NME6: variants seen among roughly 807,000 people sequenced by gnomAD.
NME6 encodes NME/NM23 nucleoside diphosphate kinase 6.
In NME6, 16 loss-of-function variants were observed where a neutral mutation model predicts 22.2. The ratio of observed to expected loss-of-function variants is 0.72; its 90% CI spans 0.49 to 1.09. The LOEUF (loss-of-function observed/expected upper bound fraction) is 1.09, where lower values mean the gene tolerates loss of function less well. Among genes scored for constraint, NME6 ranks in the 50% least tolerant of loss-of-function variants. The probability of loss-of-function intolerance (pLI) is 0.00; values close to 1 mark genes in which losing one functional copy is unlikely to be tolerated. For missense variants in NME6, 229 were observed against 239.0 expected (o/e 0.96, Z 0.28); for synonymous variants, 58 against 85.2 (o/e 0.68, Z 1.76).
chr3:48,292,153 A>G (rs1269237322), downstream of NME6: 1 of 152,264 alleles, frequency 6.6e-6, no homozygotes. Flanking sequence ...TTAGGGGGAT[A>G]TAATTCAGTC....
In NME6 at chr3:48,300,333, T is replaced by C. The variant is rs147095036; in HGVS notation, c.-8+1020A>G. 1.4e-3 allele frequency: 619 copies of C among 456,772 alleles called. 5 individuals carry two copies. Among genetic ancestry groups the C allele is most frequent in the African/African-American group, 3.0e-3 (150 of 50,212 alleles). The allele number at this position is 456,772 out of a possible 1,614,324, so 28.3% of individuals were successfully genotyped here. Reference sequence around the variant, plus strand: ...TTAAGTTTCTCTAGCTCCAACCTCATGGGCCTTTCAGTTTTGAAAGAATTT... The same window carrying C: ...TTAAGTTTCTCTAGCTCCAACCTCACGGGCCTTTCAGTTTTGAAAGAATTT... On this transcript the variant is annotated intron_variant, in intron 1 of 5. Coordinates refer to ENST00000442597, the MANE Select transcript of NME6 (RefSeq NM_001308426.2).
Position 48,296,133 on chromosome 3 carries a change from C to A in NME6, c.219G>T (p.Val73=), listed in dbSNP as rs2035070640. Residue 73 remains valine (V), a synonymous_variant, in exon 4 of 6, where the codon GTG becomes GTT. Coordinates refer to ENST00000442597, the MANE Select transcript of NME6 (RefSeq NM_001308426.2). ...HEGRFFYQRL[V]EFMASGPIRA... The stretch of plus-strand genomic sequence containing the variant: ...ATTTGAAGTACCTGGCCATGAACTC[C>A]ACCAGCCTCTGATAGAAAAAACGCC... The A allele has an allele frequency of 6.2e-7, 1 of 1,613,056 alleles. No individual in the cohort carries two copies. Among genetic ancestry groups the A allele is most frequent in the Non-Finnish European group, 8.5e-7 (1 of 1,179,132 alleles).
downstream of NME6, among the ~76,000 whole-genome samples, chr3:48,289,967 A>C (rs1319042766): frequency 1.3e-5 from 2 of 152,248 alleles, no homozygotes; most frequent in African/African-American, 4.8e-5. Context: ...GCAAAGGAGT[A>C]TCATGAAGTA....
chr3:48,298,418 C>T lies in NME6; in HGVS notation c.90+9G>A. On this transcript the variant is annotated intron_variant, in intron 2 of 5. Transcript: ENST00000442597. ...GGGCATGCGGTAGAGACTTAGGATT[C>T]ATTCTTACCTCCAGAATCAGTGGAT... 1 of 1,612,222 alleles carries T rather than the reference C, an allele frequency of 6.2e-7. No individual in the cohort carries two copies. The highest frequency in any genetic ancestry group is 8.5e-7 in the Non-Finnish European group (1 of 1,178,272).
rs2034831283 is a variant in NME6 at position 48,294,381 on chromosome 3, T to G, written c.*256A>C. ...GCCACCGTGCCCGGCCTGGCAAGCTTCTTCTTGAAGAAGGATGAACAGTTC... is the reference window on the plus strand; with the variant it reads ...GCCACCGTGCCCGGCCTGGCAAGCTGCTTCTTGAAGAAGGATGAACAGTTC... On this transcript the variant is annotated 3_prime_UTR_variant, in exon 6 of 6. Coordinates refer to ENST00000442597, the MANE Select transcript of NME6 (RefSeq NM_001308426.2). 8.0e-6 allele frequency: 3 copies of G among 374,384 alleles called. No homozygotes were observed. The highest frequency in any genetic ancestry group is 7.3e-5 in the Admixed American group (2 of 27,276). The allele number at this position is 374,384 out of a possible 1,614,324, so 23.2% of individuals were successfully genotyped here.
intron 2 of NME6, 75 bp from the exon 3 acceptor site, chr3:48,296,904 T>C: frequency 8.7e-7 from 1 of 1,145,084 alleles, no homozygotes; most frequent in South Asian, 1.3e-5. Context: ...TGAGGACCAC[T>C]TGTTGCTCAG....
chr3:48,292,278 A>C (rs905188492), downstream of NME6: 9 of 152,182 alleles, frequency 5.9e-5, no homozygotes, highest in African/African-American at 1.7e-4. Flanking sequence ...ATTTACATCT[A>C]TCTCTATAGA....
chr3:48,295,903 G>T (rs1004366266), intron 4 of NME6: 3 of 578,144 alleles, frequency 5.2e-6, no homozygotes, highest in Admixed American at 3.1e-5. Flanking sequence ...TTTTAGTAGA[G>T]ACGGTGTTTC....
chr3:48,300,387 T>TTTC (rs1295523023), intron 1 of NME6: 1 of 455,992 alleles, frequency 2.2e-6, no homozygotes, highest in East Asian at 6.9e-5. Context: ...TGTGAGTAGT[T>TTTC]TTCGCAGTCC....
At chr3:48,288,947 G>C (rs1034352194), downstream of NME6, among the ~76,000 whole-genome samples, 4 of 152,222 alleles carry the variant, frequency 2.6e-5, no homozygotes, top group Admixed American at 6.5e-5. Context: ...CCAGCACTAG[G>C]AGTGGGTGAG....
rs1451448366 is a variant in NME6, at chr3:48,296,712, G to A, written c.193+15C>T. ...GGATTGAGGCACCTTCCATTCAGAG[G>A]ACTACTGATCCTACCTTCATGCTCT... is the stretch of plus-strand genomic sequence containing the variant. On this transcript the variant is annotated intron_variant, in intron 3 of 5. Coordinates refer to ENST00000442597, the MANE Select transcript of NME6 (RefSeq NM_001308426.2). The A allele has an allele frequency of 2.5e-6, 4 of 1,578,452 alleles. No homozygotes were observed. Among genetic ancestry groups the A allele is most frequent in the Admixed American group, 1.7e-5 (1 of 58,256 alleles).
Position 48,296,687 on chromosome 3 carries a change from G to A in NME6, c.193+40C>T, listed in dbSNP as rs776338708. The A allele has an allele frequency of 6.6e-5, 93 of 1,418,160 alleles. 1 individual carries two copies. Among genetic ancestry groups the A allele is most frequent in the Admixed American group, 3.2e-4 (18 of 55,858 alleles). The allele number at this position is 1,418,160 out of a possible 1,614,324, so 87.8% of individuals were successfully genotyped here. A position where few individuals can be genotyped will look rare whatever the true frequency, so the allele number is the denominator to read the frequency against. On this transcript the variant is annotated intron_variant, in intron 3 of 5. Transcript: ENST00000442597. ...GTAAAATCTCTCTTATGGCCTCTTG[G>A]GATTGAGGCACCTTCCATTCAGAGG... is the stretch of plus-strand genomic sequence containing the variant.
chr3:48,298,426 C>A lies in NME6; in HGVS notation c.90+1G>T. On this transcript the variant is annotated splice_donor_variant, in intron 2 of 5. Transcript: ENST00000442597. LOFTEE classifies it high-confidence loss of function. The stretch of plus-strand genomic sequence containing the variant: ...GGTAGAGACTTAGGATTCATTCTTA[C>A]CTCCAGAATCAGTGGATGGGCGACT... 1.2e-6 allele frequency: 2 copies of A among 1,613,566 alleles called. No individual in the cohort carries two copies. Among genetic ancestry groups the A allele is most frequent in the South Asian group, 1.1e-5 (1 of 91,070 alleles).
Position 48,294,599 on chromosome 3 carries a change from G to A in NME6, c.*38C>T. On this transcript the variant is annotated 3_prime_UTR_variant, in exon 6 of 6. Coordinates refer to ENST00000442597, the MANE Select transcript of NME6 (RefSeq NM_001308426.2). ...AATGTTTTAGACTAGATGTCTAGGAGAAGTCTGGGCACTACCACTGGTCTT... is the reference window on the plus strand; with the variant it reads ...AATGTTTTAGACTAGATGTCTAGGAAAAGTCTGGGCACTACCACTGGTCTT... 1.2e-6 allele frequency: 2 copies of A among 1,601,986 alleles called. No individual in the cohort carries two copies. The highest frequency in any genetic ancestry group is 4.5e-5 in the East Asian group (2 of 44,562).
chr3:48,290,086 G>T (rs577455853), downstream of NME6, among the ~76,000 whole-genome samples: 1 of 150,374 alleles, frequency 6.7e-6, no homozygotes, highest in Non-Finnish European at 1.5e-5. Context: ...TTTTTGAGAC[G>T]GGATCTCGCT....
At chr3:48,295,322 C>T (rs2034970862) in intron 4 of NME6, 87 bp from the exon 5 acceptor site, 4 of 1,409,604 alleles carry the variant, frequency 2.8e-6, no homozygotes, top group Non-Finnish European at 3.8e-6. Context: ...AAAACACACT[C>T]TACGTTCTGA....
At chr3:48,291,315 A>G, downstream of NME6, 1 of 477,374 alleles carries the variant, frequency 2.1e-6, no homozygotes, top group South Asian at 1.6e-5. Context: ...AGCCTGTGAT[A>G]TCAGAGACTA....
intron 4 of NME6, 106 bp downstream of exon 4, chr3:48,296,013 G>T: frequency 1.2e-6 from 1 of 863,732 alleles, no homozygotes; most frequent in Non-Finnish European, 2.0e-6. Flanking sequence ...CACCGTGCCT[G>T]GCCTGATTAC....
downstream of NME6, chr3:48,288,780 A>C (rs1235474683): frequency 6.6e-6 from 1 of 152,166 alleles, no homozygotes; most frequent in African/African-American, 2.4e-5. Flanking sequence ...AGAGTAAATT[A>C]CTAGGAGAAC....
Sources: gnomAD v4.1 joint callset for allele counts (sites outside exome capture counted in the v4.1 genomes callset) on GRCh38, gnomAD v4.1.1 for gene constraint, MANE v1.5 for transcripts, NCBI Gene and HGNC (gene_info 2026-07-23, HGNC 2026-07-21) for gene names.